The following SEMA5A variants were observed in gnomAD, a reference collection of about 807,000 sequenced individuals.
SEMA5A encodes semaphorin-5A.
A neutral mutation model predicts 135.5 loss-of-function variants in SEMA5A; 55 were observed. The observed-to-expected ratio is 0.41, with a 90% CI of 0.33 to 0.51. The LOEUF (loss-of-function observed/expected upper bound fraction) is 0.51, where lower values mean the gene tolerates loss of function less well. Ranked by LOEUF, SEMA5A falls within the 20% of genes least tolerant of loss-of-function variation. The pLI is 0.37. For synonymous variants in SEMA5A, 580 were observed against 546.5 expected (o/e 1.06, Z -0.85); for missense variants, 1,290 against 1,419.9 (o/e 0.91, Z 1.47).
intron 5 of SEMA5A, among the ~76,000 whole-genome samples, chr5:9,266,337 G>T (rs1749682605): frequency 6.6e-6 from 1 of 152,164 alleles, no homozygotes; most frequent in Non-Finnish European, 1.5e-5. Flanking sequence ...GCAAACTTCT[G>T]CTTTTAAATA....
intron 2 of SEMA5A, among the ~76,000 whole-genome samples, chr5:9,405,036 T>G (rs1450463081): frequency 6.6e-6 from 1 of 152,144 alleles, no homozygotes; most frequent in Non-Finnish European, 1.5e-5. Context: ...ATTCTAGAGT[T>G]ACAGAATGTT....
At chr5:9,396,890 T>C (rs1388360132) in intron 2 of SEMA5A, among the ~76,000 whole-genome samples, 2 of 152,172 alleles carry the variant, frequency 1.3e-5, no homozygotes, top group Non-Finnish European at 2.9e-5. Context: ...TCACCATCCT[T>C]GATTAACACA....
At chr5:9,361,559 C>T (rs1754697139) in intron 3 of SEMA5A, among the ~76,000 whole-genome samples, 3 of 152,062 alleles carry the variant, frequency 2.0e-5, no homozygotes. Context: ...TTAATCTGTT[C>T]CTCCCTATGC....
chr5:9,052,070 T>A (rs1472553408), intron 19 of SEMA5A, 42 bp from the exon 20 acceptor site: 1 of 1,519,140 alleles, frequency 6.6e-7, no homozygotes, highest in East Asian at 2.3e-5. Context: ...GAATGGCCAG[T>A]AAGCTCAATC....
intron 12 of SEMA5A, among the ~76,000 whole-genome samples, chr5:9,140,867 C>A (rs1327583004): frequency 1.3e-5 from 2 of 152,134 alleles, no homozygotes; most frequent in Admixed American, 6.6e-5. Flanking sequence ...ATTCCACGGG[C>A]TCCTCACGTT....
At chr5:9,468,621 C>G (rs1759354162) in intron 1 of SEMA5A, among the ~76,000 whole-genome samples, 1 of 19,062 alleles carries the variant, frequency 5.2e-5, no homozygotes, top group Non-Finnish European at 1.2e-4. Context: ...ATATAAAATT[C>G]AGGCTGTCTA....
intron 1 of SEMA5A, among the ~76,000 whole-genome samples, chr5:9,474,778 C>A (rs559184859): frequency 1.0e-3 from 157 of 152,270 alleles, no homozygotes; most frequent in Admixed American, 2.2e-3. Context: ...TCCTGCCTCA[C>A]CCCCTCGCCC....
chr5:9,277,467 A>G (rs1307341784), intron 5 of SEMA5A, among the ~76,000 whole-genome samples: 2 of 152,220 alleles, frequency 1.3e-5, no homozygotes, highest in African/African-American at 4.8e-5. Flanking sequence ...ATCACTGGGT[A>G]TATAGCCAAA....
intron 6 of SEMA5A, among the ~76,000 whole-genome samples, chr5:9,232,587 A>C (rs1167838931): frequency 5.3e-5 from 8 of 152,202 alleles, no homozygotes; most frequent in Admixed American, 2.0e-4. Flanking sequence ...TCACAGATGC[A>C]ATATGTAGAG....
intron 12 of SEMA5A, among the ~76,000 whole-genome samples, chr5:9,141,629 A>G (rs892484034): frequency 1.3e-5 from 2 of 152,198 alleles, no homozygotes; most frequent in Non-Finnish European, 2.9e-5. Context: ...ACAGGCCTTA[A>G]TTCTAAAAAG....
chr5:9,093,045 A>G (rs573079027), intron 16 of SEMA5A, among the ~76,000 whole-genome samples: 1 of 152,324 alleles, frequency 6.6e-6, no homozygotes, highest in Admixed American at 6.5e-5. Flanking sequence ...ATTGAACTAA[A>G]TCCAAGTTTA....
intron 5 of SEMA5A, among the ~76,000 whole-genome samples, chr5:9,307,184 C>T (rs534353128): frequency 6.6e-6 from 1 of 152,268 alleles, no homozygotes; most frequent in East Asian, 1.9e-4. Context: ...TGTAGTATCA[C>T]TTGAAAAAGT....
intron 16 of SEMA5A, among the ~76,000 whole-genome samples, chr5:9,088,737 A>C (rs902570727): frequency 6.6e-6 from 1 of 150,990 alleles, no homozygotes; most frequent in Non-Finnish European, 1.5e-5. Context: ...GAGATTTTGA[A>C]CAGGTCATGG....
Position 9,080,108 on chromosome 5 carries a change from T to C in SEMA5A, c.2074-13462A>G, listed in dbSNP as rs186905353. Among the ~76,000 whole-genome samples the C allele has an allele frequency of 1.6e-3, 246 of 152,322 alleles. 1 individual carries two copies. Among genetic ancestry groups the C allele is most frequent in the African/African-American group, 5.6e-3 (234 of 41,568 alleles). ...AAGACACATGCACATGTATGTTTAT[T>C]GCAGCACTGTTCACAATAGCAAAGA... On this transcript the variant is annotated intron_variant, in intron 16 of 22. Transcript: ENST00000382496.
chr5:9,483,561 T>A (rs1759962178), intron 1 of SEMA5A, among the ~76,000 whole-genome samples: 1 of 152,150 alleles, frequency 6.6e-6, no homozygotes, highest in South Asian at 2.1e-4. Flanking sequence ...CATAAACAAG[T>A]ACAACATGAC....
chr5:9,192,104 G>A (rs1252738842), intron 10 of SEMA5A, among the ~76,000 whole-genome samples: 2 of 144,156 alleles, frequency 1.4e-5, no homozygotes, highest in Non-Finnish European at 1.5e-5. Context: ...TTTAGGTGAA[G>A]GGCTCAGCCC....
At chr5:9,396,324 G>T (rs1756399854) in intron 2 of SEMA5A, among the ~76,000 whole-genome samples, 1 of 151,308 alleles carries the variant, frequency 6.6e-6, no homozygotes, top group Admixed American at 6.6e-5. Context: ...TTGCCTAGTT[G>T]GTTTCACCTC....
chr5:9,163,274 A>G (rs542515976), intron 11 of SEMA5A, among the ~76,000 whole-genome samples: 1 of 152,098 alleles, frequency 6.6e-6, no homozygotes, highest in Non-Finnish European at 1.5e-5. Flanking sequence ...TAAAAAAAAA[A>G]AGAATTTAGA....
At chr5:9,469,180 T>G (rs1330941163) in intron 1 of SEMA5A, among the ~76,000 whole-genome samples, 1 of 152,124 alleles carries the variant, frequency 6.6e-6, no homozygotes, top group East Asian at 1.9e-4. Flanking sequence ...GGCTAATCTT[T>G]GTATTTTTAG....
Sources: allele counts gnomAD v4.1 joint callset (sites outside exome capture counted in the v4.1 genomes callset), GRCh38; gene constraint gnomAD v4.1.1; transcripts MANE v1.5; gene names NCBI Gene and HGNC (gene_info 2026-07-23, HGNC 2026-07-21).